The following EFHC2 variants were observed in gnomAD, a reference collection of about 807,000 sequenced individuals.
EFHC2 encodes the protein EF-hand domain containing 2, also known as EF-hand domain-containing family member C2.
Under a neutral mutation model 52.7 loss-of-function variants are expected in EFHC2, and 18 were observed. That is an observed-to-expected ratio of 0.34 (90% CI 0.24 to 0.51). EFHC2 has a LOEUF of 0.51. Among genes scored for constraint, EFHC2 ranks in the 20% least tolerant of loss-of-function variants. The pLI is 0.97. For missense variants in EFHC2, 513 were observed against 562.5 expected (o/e 0.91, Z 0.89); for synonymous variants, 203 against 204.1 (o/e 0.99, Z 0.04).
chrX:44,220,836 T>C (rs914569445), intron 11 of EFHC2, among the ~76,000 whole-genome samples: 2 of 112,085 alleles, frequency 1.8e-5, no homozygotes, highest in African/African-American at 6.5e-5. Flanking sequence ...CCAAATTTTT[T>C]TCAAATAAAA....
intron 11 of EFHC2, among the ~76,000 whole-genome samples, chrX:44,184,697 T>C (rs1285759427): frequency 1.1e-5 from 1 of 91,088 alleles, no homozygotes; most frequent in Non-Finnish European, 2.1e-5. Flanking sequence ...CACTCCAGCC[T>C]GGGCAATAAG....
At chrX:44,257,960 G>C (rs189247016) in intron 4 of EFHC2, among the ~76,000 whole-genome samples, 2 of 111,522 alleles carry the variant, frequency 1.8e-5, no homozygotes, top group Non-Finnish European at 3.8e-5. Context: ...GAACAGAACA[G>C]AGTCCTCAAA....
intron 7 of EFHC2, among the ~76,000 whole-genome samples, chrX:44,245,718 A>C (rs2037395365): frequency 8.9e-6 from 1 of 112,223 alleles, no homozygotes; most frequent in African/African-American, 3.2e-5. Context: ...CAGGAGCTCA[A>C]ATGTCTCTTG....
chrX:44,307,117 A>T (rs980932016), intron 2 of EFHC2, among the ~76,000 whole-genome samples: 4 of 110,925 alleles, frequency 3.6e-5, no homozygotes, highest in African/African-American at 1.3e-4. Flanking sequence ...GTCTCCAGAG[A>T]GGGTTACAGG....
chrX:44,201,159 CTT>C (rs2037003719), intron 11 of EFHC2, among the ~76,000 whole-genome samples: 2 of 111,535 alleles, frequency 1.8e-5, no homozygotes, highest in Admixed American at 1.9e-4. Flanking sequence ...TCAAAACAAA[CTT>C]TTAAATAACT....
intron 1 of EFHC2, among the ~76,000 whole-genome samples, chrX:44,332,476 G>A (rs2038092975): frequency 9.0e-6 from 1 of 111,086 alleles, no homozygotes; most frequent in African/African-American, 3.3e-5. Flanking sequence ...TAGAATTTGA[G>A]CACCCAGGGG....
At chrX:44,322,315 G>C (rs2038026253) in intron 1 of EFHC2, among the ~76,000 whole-genome samples, 1 of 112,071 alleles carries the variant, frequency 8.9e-6, no homozygotes, top group Admixed American at 9.5e-5. Flanking sequence ...CTGACAGTAA[G>C]GACTATAGGG....
intron 4 of EFHC2, among the ~76,000 whole-genome samples, chrX:44,259,482 C>T (rs186967717): frequency 1.8e-5 from 2 of 111,721 alleles, no homozygotes; most frequent in African/African-American, 6.5e-5. Context: ...ACCACCATGG[C>T]AGGTGTATAC....
intron 11 of EFHC2, among the ~76,000 whole-genome samples, chrX:44,222,903 T>G (rs1010094873): frequency 1.8e-5 from 2 of 111,747 alleles, no homozygotes; most frequent in Admixed American, 9.5e-5. Flanking sequence ...GGTGAGAACA[T>G]TTAAGAGCTA....
chrX:44,328,927 A>G (rs756682868), intron 1 of EFHC2, among the ~76,000 whole-genome samples: 5 of 111,659 alleles, frequency 4.5e-5, no homozygotes, highest in Non-Finnish European at 9.4e-5. Context: ...TTGAGCCCCT[A>G]TGCTCCGCCC....
chrX:44,185,875 A>G lies in EFHC2; in HGVS notation c.1752-7311T>C, dbSNP rs1033492111. Among the ~76,000 whole-genome samples the G allele has an allele frequency of 2.2e-4, 25 of 111,853 alleles. 1 individual carries two copies. Among genetic ancestry groups the G allele is most frequent in the Non-Finnish European group, 3.9e-4 (21 of 53,238 alleles). On this transcript the variant is annotated intron_variant, in intron 11 of 14. Coordinates refer to ENST00000420999, the MANE Select transcript of EFHC2 (RefSeq NM_025184.4). ...ACTAAATAATATTTACATACTATAAATAATAACAGCCAAATTCATCTGCCT... is the reference window on the plus strand; with the variant it reads ...ACTAAATAATATTTACATACTATAAGTAATAACAGCCAAATTCATCTGCCT...
chrX:44,163,678 T>C (rs779187014), intron 14 of EFHC2, among the ~76,000 whole-genome samples: 5 of 111,705 alleles, frequency 4.5e-5, no homozygotes, highest in South Asian at 3.7e-4. Flanking sequence ...TTCCATATAA[T>C]TGGATGCGAT....
Position 44,163,996 on chromosome X carries a change from T to C in EFHC2, c.2074A>G (p.Lys692Glu), listed in dbSNP as rs2036677352. ...FEDSEKQIDY[K>E]SFFSALNWRK... Reference sequence around the variant, plus strand: ...CAGTTCAGGGCAGAGAAAAATGACTTATAATCTATTTGTTTTTCACTGTCT... The same window carrying C: ...CAGTTCAGGGCAGAGAAAAATGACTCATAATCTATTTGTTTTTCACTGTCT... The change falls in exon 14 of 15, where the codon AAG (lysine) becomes GAG (glutamate). Residue 692 changes from lysine to glutamate, a missense_variant. Lys to Glu is a moderately conservative substitution (Grantham distance 56). Coordinates refer to ENST00000420999, the MANE Select transcript of EFHC2 (RefSeq NM_025184.4). 1.7e-6 allele frequency: 2 copies of C among 1,152,245 alleles called. No homozygotes were observed. Among genetic ancestry groups the C allele is most frequent in the East Asian group, 3.2e-5 (1 of 31,015 alleles). The allele number at this position is 1,152,245 out of a possible 1,213,427, so 95.0% of individuals were successfully genotyped here. A position where few individuals can be genotyped will look rare whatever the true frequency, so the allele number is the denominator to read the frequency against.
At chrX:44,201,883 T>C (rs1198687770) in intron 11 of EFHC2, among the ~76,000 whole-genome samples, 1 of 111,711 alleles carries the variant, frequency 9.0e-6, no homozygotes, top group African/African-American at 3.2e-5. Flanking sequence ...AATAAAGATG[T>C]GAAAATCCTA....
At chrX:44,340,601 GT>G (rs1229197542) in intron 1 of EFHC2, among the ~76,000 whole-genome samples, 1 of 111,654 alleles carries the variant, frequency 9.0e-6, no homozygotes, top group Non-Finnish European at 1.9e-5. Flanking sequence ...GGAGGTTGCA[GT>G]GAGCCGAGAT....
At chrX:44,152,918 C>T (rs994108358) in intron 14 of EFHC2, among the ~76,000 whole-genome samples, 4 of 111,531 alleles carry the variant, frequency 3.6e-5, no homozygotes, top group African/African-American at 9.8e-5. Flanking sequence ...AAATATATGC[C>T]TTCAAAAATC....
chrX:44,170,418 T>C (rs2036735907), intron 13 of EFHC2, among the ~76,000 whole-genome samples: 2 of 110,752 alleles, frequency 1.8e-5, no homozygotes, highest in African/African-American at 3.3e-5. Flanking sequence ...GTCCTAACAA[T>C]AGTATAGGTC....
intron 7 of EFHC2, among the ~76,000 whole-genome samples, chrX:44,242,971 A>G (rs2037371728): frequency 1.8e-5 from 2 of 112,314 alleles, no homozygotes; most frequent in Non-Finnish European, 3.8e-5. Context: ...ACAGAAAAAG[A>G]AAAAACTTTT....
At chrX:44,165,259 C>G (rs962889074) in intron 13 of EFHC2, among the ~76,000 whole-genome samples, 11 of 111,813 alleles carry the variant, frequency 9.8e-5, no homozygotes, top group African/African-American at 3.6e-4. Flanking sequence ...ATGTTACAAG[C>G]TGAAGTCACA....
Sources: allele counts gnomAD v4.1 joint callset (sites outside exome capture counted in the v4.1 genomes callset), GRCh38; gene constraint gnomAD v4.1.1; transcripts MANE v1.5; gene names NCBI Gene and HGNC (gene_info 2026-07-23, HGNC 2026-07-21).